ZNRF2: variants seen among roughly 807,000 people sequenced by gnomAD.
The protein encoded by ZNRF2 is zinc and ring finger 2.
A neutral mutation model predicts 20.4 loss-of-function variants in ZNRF2; 16 were observed. The observed-to-expected ratio is 0.79, with a 90% CI of 0.53 to 1.19. ZNRF2 has a LOEUF of 1.19. ZNRF2 is among the 50% of genes most tolerant of loss of function. The pLI is 0.00. For synonymous variants in ZNRF2, 178 were observed against 144.9 expected (o/e 1.23, Z -1.64); for missense variants, 363 against 332.4 (o/e 1.09, Z -0.72).
chr7:30,333,615 G>A (rs1247456330), intron 2 of ZNRF2, among the ~76,000 whole-genome samples: 1 of 152,026 alleles, frequency 6.6e-6, no homozygotes, highest in Non-Finnish European at 1.5e-5. Flanking sequence ...TGATCCTTCC[G>A]CCTCAGGCTC....
At chr7:30,304,143 C>T (rs1475960644) in intron 1 of ZNRF2, among the ~76,000 whole-genome samples, 1 of 152,184 alleles carries the variant, frequency 6.6e-6, no homozygotes, top group Non-Finnish European at 1.5e-5. Context: ...AAGCCAACTG[C>T]TGCTGTTCAC....
chr7:30,360,167 G>A (rs1800104218), intron 3 of ZNRF2, among the ~76,000 whole-genome samples: 1 of 152,140 alleles, frequency 6.6e-6, no homozygotes, highest in Non-Finnish European at 1.5e-5. Context: ...AGTCCAGAAG[G>A]CAATAAAGAG....
At chr7:30,289,655 G>C (rs953560609) in intron 1 of ZNRF2, 8 of 397,992 alleles carry the variant, frequency 2.0e-5, no homozygotes, top group African/African-American at 1.2e-4. Context: ...TTTGCTGTGT[G>C]TAAGTGTGGC....
chr7:30,319,235 G>T (rs988248943), intron 1 of ZNRF2, among the ~76,000 whole-genome samples: 3 of 152,124 alleles, frequency 2.0e-5, no homozygotes, highest in Admixed American at 6.5e-5. Flanking sequence ...AAACTCCTGG[G>T]CAAGAACTGT....
chr7:30,321,296 G>T (rs1014564245), intron 1 of ZNRF2, among the ~76,000 whole-genome samples: 3 of 152,050 alleles, frequency 2.0e-5, no homozygotes, highest in Non-Finnish European at 4.4e-5. Context: ...AAGTCATGGA[G>T]CTCCAGATGC....
At chr7:30,356,893 A>G (rs906785303) in intron 3 of ZNRF2, among the ~76,000 whole-genome samples, 1 of 151,778 alleles carries the variant, frequency 6.6e-6, no homozygotes, top group Non-Finnish European at 1.5e-5. Context: ...TTTTAGTAGA[A>G]ACGGGGTTTC....
chr7:30,362,446 C>T lies in ZNRF2; in HGVS notation c.*12C>T. On this transcript the variant is annotated 3_prime_UTR_variant, in exon 4 of 5. Transcript: ENST00000323037. ...ACCCTTCAGATTAAGCGTCAGCTTC[C>T]TGTTTTATAGGTAATTTTTTTTGTA... is the stretch of plus-strand genomic sequence containing the variant. 1 of 1,591,614 alleles carries T rather than the reference C, an allele frequency of 6.3e-7. No homozygotes were observed. Among genetic ancestry groups the T allele is most frequent in the Non-Finnish European group, 8.6e-7 (1 of 1,165,988 alleles).
intron 4 of ZNRF2, among the ~76,000 whole-genome samples, chr7:30,364,265 A>G (rs768807449): frequency 3.9e-5 from 6 of 152,224 alleles, no homozygotes; most frequent in Non-Finnish European, 7.3e-5. Flanking sequence ...AAGACTACGC[A>G]TGTGCATGTG....
chr7:30,314,169 CAA>C (rs1401359982), intron 1 of ZNRF2, among the ~76,000 whole-genome samples: 1 of 152,130 alleles, frequency 6.6e-6, no homozygotes, highest in Non-Finnish European at 1.5e-5. Context: ...TTAATTCAAA[CAA>C]ATTTAAAAGA....
At chr7:30,291,880 G>C (rs73685989) in intron 1 of ZNRF2, among the ~76,000 whole-genome samples, 1,769 of 152,256 alleles carry the variant, frequency 0.012, 34 homozygotes, top group African/African-American at 0.039. Context: ...AAGAGACAGG[G>C]AGAGGAAGAG....
intron 2 of ZNRF2, among the ~76,000 whole-genome samples, chr7:30,350,278 CT>C (rs533908008): frequency 2.0e-5 from 3 of 151,874 alleles, no homozygotes; most frequent in Admixed American, 2.0e-4. Flanking sequence ...AGAGTATAAA[CT>C]TTTTTTAAAA....
chr7:30,314,619 T>C (rs78902388), intron 1 of ZNRF2, among the ~76,000 whole-genome samples: 2 of 152,032 alleles, frequency 1.3e-5, no homozygotes, highest in Admixed American at 6.6e-5. Context: ...CTCTGCAGTG[T>C]TATTTTTAAG....
At chr7:30,321,377 C>T (rs1273012202) in intron 1 of ZNRF2, among the ~76,000 whole-genome samples, 3 of 151,976 alleles carry the variant, frequency 2.0e-5, no homozygotes, top group Admixed American at 6.6e-5. Flanking sequence ...GTGTTTGCTC[C>T]GTGCCGTTGA....
intron 1 of ZNRF2, among the ~76,000 whole-genome samples, chr7:30,305,012 A>G (rs139549888): frequency 1.1e-3 from 164 of 152,286 alleles, no homozygotes; most frequent in Non-Finnish European, 1.9e-3. Flanking sequence ...CTTATGTCCT[A>G]GTTTTATTAT....
chr7:30,333,345 C>T (rs1364725073), intron 2 of ZNRF2, among the ~76,000 whole-genome samples: 3 of 150,008 alleles, frequency 2.0e-5, no homozygotes, highest in East Asian at 2.0e-4. Flanking sequence ...TGAGCCACTG[C>T]GCCTGGCCAT....
chr7:30,297,734 ATT>A (rs57677188), intron 1 of ZNRF2, among the ~76,000 whole-genome samples: 84 of 140,670 alleles, frequency 6.0e-4, no homozygotes, highest in African/African-American at 1.9e-3. Flanking sequence ...GCTTTCTGTG[ATT>A]TTTTTTTTTT....
At chr7:30,341,736 C>T (rs1397022857) in intron 2 of ZNRF2, among the ~76,000 whole-genome samples, 1 of 152,120 alleles carries the variant, frequency 6.6e-6, no homozygotes, top group African/African-American at 2.4e-5. Context: ...TCTCTTACGT[C>T]AGCTTGGTCC....
chr7:30,293,190 T>C (rs1450412643), intron 1 of ZNRF2, among the ~76,000 whole-genome samples: 1 of 152,128 alleles, frequency 6.6e-6, no homozygotes. Context: ...TTTTGTTTGT[T>C]TGGTACAGAT....
chr7:30,363,076 G>A (rs1416158711), intron 4 of ZNRF2, among the ~76,000 whole-genome samples: 1 of 152,064 alleles, frequency 6.6e-6, no homozygotes, highest in Non-Finnish European at 1.5e-5. Flanking sequence ...AGCTGAGATC[G>A]TGCCACTGCA....
Sources: allele counts gnomAD v4.1 joint callset (sites outside exome capture counted in the v4.1 genomes callset), GRCh38; gene constraint gnomAD v4.1.1; transcripts MANE v1.5; gene names NCBI Gene and HGNC (gene_info 2026-07-23, HGNC 2026-07-21).